Variants in ZMAT4 observed in about 807,000 individuals in gnomAD.
ZMAT4 encodes the protein zinc finger matrin-type 4, also known as zinc finger matrin-type protein 4.
Under a neutral mutation model 28.7 loss-of-function variants are expected in ZMAT4, and 17 were observed. The ratio of observed to expected loss-of-function variants is 0.59; its 90% confidence interval spans 0.41 to 0.89. ZMAT4 has a LOEUF of 0.89. ZMAT4 is among the 40% of genes least tolerant of loss of function. The probability of loss-of-function intolerance (pLI) is 0.00; values close to 1 mark genes in which losing one functional copy is unlikely to be tolerated. For missense variants in ZMAT4, 240 were observed against 283.8 expected, an observed-to-expected ratio of 0.85 and a Z score of 1.11; for synonymous variants, 117 against 109.2, an observed-to-expected ratio of 1.07 and a Z score of -0.44.
intron 4 of ZMAT4, among the ~76,000 whole-genome samples, chr8:40,682,071 G>A (rs1809193207): frequency 6.6e-6 from 1 of 152,018 alleles, no homozygotes; most frequent in Admixed American, 6.6e-5. Flanking sequence ...TAGACTAGAA[G>A]GCTATAGATA....
At chr8:40,592,401 A>C (rs1469418278) in intron 5 of ZMAT4, among the ~76,000 whole-genome samples, 1 of 152,250 alleles carries the variant, frequency 6.6e-6, no homozygotes, top group African/African-American at 2.4e-5. Context: ...TCCAAAGTAC[A>C]GGATGTTTAA....
intron 6 of ZMAT4, among the ~76,000 whole-genome samples, chr8:40,576,250 G>A (rs1080921): frequency 0.11 from 16,967 of 151,956 alleles, 1,224 homozygotes; most frequent in Admixed American, 0.2. Context: ...AACTTATTTA[G>A]TGAAATAACA....
intron 2 of ZMAT4, among the ~76,000 whole-genome samples, chr8:40,772,615 C>T (rs996513662): frequency 1.3e-5 from 2 of 151,974 alleles, no homozygotes; most frequent in Non-Finnish European, 2.9e-5. Flanking sequence ...CCTTCATCAT[C>T]TTATTTCATC....
At chr8:40,760,484 A>G (rs1259769222) in intron 3 of ZMAT4, among the ~76,000 whole-genome samples, 1 of 152,198 alleles carries the variant, frequency 6.6e-6, no homozygotes, top group Non-Finnish European at 1.5e-5. Context: ...CACCCTCACC[A>G]GAACCAGATT....
intron 5 of ZMAT4, among the ~76,000 whole-genome samples, chr8:40,654,776 C>G (rs2118833229): frequency 6.6e-6 from 1 of 151,870 alleles, no homozygotes; most frequent in Non-Finnish European, 1.5e-5. Context: ...TGAAAACACT[C>G]AACAAACTGT....
intron 3 of ZMAT4, among the ~76,000 whole-genome samples, chr8:40,709,774 C>T (rs1810520507): frequency 1.3e-5 from 2 of 152,120 alleles, no homozygotes; most frequent in Admixed American, 1.3e-4. Flanking sequence ...CGTGGTGGCT[C>T]ATGCCTGTAA....
intron 2 of ZMAT4, among the ~76,000 whole-genome samples, chr8:40,820,130 G>A (rs1388445614): frequency 6.7e-6 from 1 of 148,314 alleles, no homozygotes; most frequent in Non-Finnish European, 1.5e-5. Context: ...TAACATTATG[G>A]ACTTTCCATG....
rs193023479 is a variant in ZMAT4 at position 40,857,697 on chromosome 8, C to T, written c.-4-32017G>A. Among the ~76,000 whole-genome samples, 446 of 152,280 alleles carry T rather than the reference C, an allele frequency of 2.9e-3. 3 individuals are homozygous for T. Among genetic ancestry groups the T allele is most frequent in the African/African-American group, 9.8e-3 (409 of 41,554 alleles). On this transcript the variant is annotated intron_variant, in intron 1 of 6. Transcript: ENST00000297737. ...GAAGTTTATCCAAGAGAAATAAAAA[C>T]ATATGTCCCCAAAAAGGCTCATATA...
chr8:40,844,645 C>T (rs570530684), intron 1 of ZMAT4, among the ~76,000 whole-genome samples: 1 of 141,272 alleles, frequency 7.1e-6, no homozygotes, highest in Non-Finnish European at 1.5e-5. Context: ...TCTCTGCATG[C>T]TCTCTCTCAT....
intron 3 of ZMAT4, among the ~76,000 whole-genome samples, chr8:40,707,082 C>G (rs1253478260): frequency 1.7e-4 from 26 of 152,144 alleles, no homozygotes; most frequent in African/African-American, 6.3e-4. Flanking sequence ...TGGTTCACTC[C>G]AACTAGAAAT....
In ZMAT4 at chr8:40,580,850, A is replaced by T. The variant is rs78772928; in HGVS notation, c.674+315T>A. ...AGACATTCATAGAATTTGTCATCAAAGTTTGGTACATCCTACAAATAAGAA... is the reference window on the plus strand; with the variant it reads ...AGACATTCATAGAATTTGTCATCAATGTTTGGTACATCCTACAAATAAGAA... On this transcript the variant is annotated intron_variant, in intron 6 of 6. Coordinates refer to ENST00000297737, the MANE Select transcript of ZMAT4 (RefSeq NM_024645.3). Among the ~76,000 whole-genome samples the T allele has an allele frequency of 3.8e-3, 572 of 152,324 alleles. 4 individuals carry two copies. Among genetic ancestry groups the T allele is most frequent in the African/African-American group, 0.013 (552 of 41,574 alleles).
At chr8:40,656,222 A>G (rs1288990987) in intron 5 of ZMAT4, among the ~76,000 whole-genome samples, 1 of 152,148 alleles carries the variant, frequency 6.6e-6, no homozygotes, top group East Asian at 1.9e-4. Context: ...GCCATCAGGA[A>G]AAAAGTAAAT....
chr8:40,597,305 G>A (rs920856867), intron 5 of ZMAT4, among the ~76,000 whole-genome samples: 1 of 152,168 alleles, frequency 6.6e-6, no homozygotes, highest in African/African-American at 2.4e-5. Context: ...GGAATATTAT[G>A]AATAGGATTA....
At chr8:40,690,178 A>T (rs922226083) in intron 4 of ZMAT4, among the ~76,000 whole-genome samples, 10 of 152,204 alleles carry the variant, frequency 6.6e-5, no homozygotes, top group African/African-American at 9.6e-5. Context: ...TCGCTGTAGG[A>T]TAGGCATGGA....
chr8:40,887,237 C>T (rs1818489866), intron 1 of ZMAT4, among the ~76,000 whole-genome samples: 1 of 150,214 alleles, frequency 6.7e-6, no homozygotes, highest in African/African-American at 2.5e-5. Flanking sequence ...TCCTGTAATC[C>T]CAACACTTTG....
chr8:40,617,100 C>T (rs906791672), intron 5 of ZMAT4, among the ~76,000 whole-genome samples: 4 of 152,046 alleles, frequency 2.6e-5, no homozygotes, highest in African/African-American at 9.7e-5. Flanking sequence ...GATATCGTGA[C>T]ATGGTGTGAT....
intron 5 of ZMAT4, among the ~76,000 whole-genome samples, chr8:40,656,707 C>A (rs992679714): frequency 6.6e-6 from 1 of 151,994 alleles, no homozygotes; most frequent in South Asian, 2.1e-4. Context: ...TTGATCATTA[C>A]AGGCAGCATG....
intron 3 of ZMAT4, among the ~76,000 whole-genome samples, chr8:40,712,193 A>T (rs974064047): frequency 7.2e-5 from 11 of 152,250 alleles, no homozygotes; most frequent in African/African-American, 2.7e-4. Flanking sequence ...AAATCATAAT[A>T]GGATTTCTCT....
chr8:40,604,506 A>T (rs1805513364), intron 5 of ZMAT4, among the ~76,000 whole-genome samples: 1 of 152,166 alleles, frequency 6.6e-6, no homozygotes, highest in African/African-American at 2.4e-5. Flanking sequence ...ACTTCTGTTT[A>T]TCTGCTGTAT....
Sources: gnomAD v4.1 joint callset for allele counts (sites outside exome capture counted in the v4.1 genomes callset) on GRCh38, gnomAD v4.1.1 for gene constraint, MANE v1.5 for transcripts, NCBI Gene and HGNC (gene_info 2026-07-23, HGNC 2026-07-21) for gene names.